The following CSNK1G1 variants were observed in gnomAD, a reference collection of about 807,000 sequenced individuals.
The protein encoded by CSNK1G1 is casein kinase I isoform gamma-1.
CSNK1G1 carries 22 observed loss-of-function variants against 59.6 expected under a neutral mutation model. The ratio of observed to expected loss-of-function variants is 0.37; its 90% CI spans 0.26 to 0.53. The LOEUF is 0.53. CSNK1G1 is among the 20% of genes least tolerant of loss of function. The probability of loss-of-function intolerance (pLI) is 0.89; values close to 1 mark genes in which losing one functional copy is unlikely to be tolerated. For missense variants in CSNK1G1, 384 were observed against 519.5 expected, an observed-to-expected ratio of 0.74 and a Z score of 2.54; for synonymous variants, 179 against 177.1, an observed-to-expected ratio of 1.01 and a Z score of -0.08.
chr15:64,207,016 C>T (rs1368161486), intron 7 of CSNK1G1, among the ~76,000 whole-genome samples: 1 of 152,138 alleles, frequency 6.6e-6, no homozygotes, highest in Non-Finnish European at 1.5e-5. Context: ...TGGGAACACT[C>T]CTCCTGCTAC....
chr15:64,229,902 ATTTTTTTTTTTTTTTTTTTTTTTTT>A (rs533868270), intron 4 of CSNK1G1, among the ~76,000 whole-genome samples: 1 of 43,808 alleles, frequency 2.3e-5, no homozygotes, highest in Middle Eastern at 0.028. Flanking sequence ...ATGTTTGTAA[ATTTTTTTTTTTTTTTTTTTTTTTTT>A]TTTTTTTTTT....
intron 6 of CSNK1G1, among the ~76,000 whole-genome samples, chr15:64,213,300 C>T (rs1241160887): frequency 6.6e-6 from 1 of 152,132 alleles, no homozygotes; most frequent in Non-Finnish European, 1.5e-5. Context: ...GCTTCTCTGA[C>T]AAATACTCTC....
intron 2 of CSNK1G1, among the ~76,000 whole-genome samples, chr15:64,290,266 C>T (rs1894663313): frequency 6.6e-6 from 1 of 151,804 alleles, no homozygotes; most frequent in Non-Finnish European, 1.5e-5. Flanking sequence ...TTATGTTTAT[C>T]GCCAAAAATA....
At chr15:64,280,936 G>C (rs987796012) in intron 2 of CSNK1G1, among the ~76,000 whole-genome samples, 1 of 152,134 alleles carries the variant, frequency 6.6e-6, no homozygotes, top group African/African-American at 2.4e-5. Context: ...CTGGAGTGCA[G>C]TGGCACAATC....
At chr15:64,234,549 T>C (rs936146352) in intron 4 of CSNK1G1, among the ~76,000 whole-genome samples, 1 of 152,200 alleles carries the variant, frequency 6.6e-6, no homozygotes, top group African/African-American at 2.4e-5. Flanking sequence ...GGTGTAGTTC[T>C]GTTTCTGGGG....
At position 64,300,545 on chromosome 15, in the gene CSNK1G1, T is replaced by C. The variant is rs765796629; in HGVS notation, c.-46A>G. The C allele has an allele frequency of 3.8e-6, 6 of 1,576,268 alleles. No homozygotes were observed. The South Asian group carries it at 4.7e-5, about 12-fold the overall frequency. ...CCTATAGTACAGCAAGTAGCTTCAG[T>C]ATGTATACCTCTCTTCAATACAAAA... On this transcript the variant is annotated 5_prime_UTR_variant, in exon 2 of 12. The change creates a new upstream start codon in the 5' untranslated region. Transcript: ENST00000303052.
intron 4 of CSNK1G1, among the ~76,000 whole-genome samples, chr15:64,234,494 T>C (rs1206958613): frequency 2.6e-5 from 4 of 152,082 alleles, no homozygotes; most frequent in Non-Finnish European, 5.9e-5. Flanking sequence ...TTCTCCAAAA[T>C]GATTATTTTC....
intron 10 of CSNK1G1, among the ~76,000 whole-genome samples, chr15:64,199,237 T>G (rs1290142576): frequency 1.1e-5 from 1 of 93,766 alleles, no homozygotes; most frequent in African/African-American, 4.7e-5. Context: ...GGCAACAGAG[T>G]GAAATCTTTT....
At chr15:64,262,189 C>T (rs529066655) in intron 2 of CSNK1G1, among the ~76,000 whole-genome samples, 3 of 152,298 alleles carry the variant, frequency 2.0e-5, no homozygotes, top group Admixed American at 6.5e-5. Context: ...AGATGAGCAA[C>T]CTCAGTTCTC....
chr15:64,177,339 C>A (rs1437690068), intron 11 of CSNK1G1, among the ~76,000 whole-genome samples: 2 of 152,188 alleles, frequency 1.3e-5, no homozygotes. Flanking sequence ...TCGTGCTTCT[C>A]TAGCTGTGAC....
rs1457672946 is a variant in CSNK1G1, at chr15:64,216,806, A to C, written c.293-93T>G. 1.5e-5 allele frequency: 18 copies of C among 1,196,398 alleles called. 1 individual carries two copies. The Admixed American group carries it at 2.6e-4, about 17-fold the overall frequency. The allele number at this position is 1,196,398 out of a possible 1,614,324, so 74.1% of individuals were successfully genotyped here. On this transcript the variant is annotated intron_variant, in intron 4 of 11. Transcript: ENST00000303052. The surrounding 1 kb of genome is among the most constrained non-coding windows in gnomAD (Gnocchi z 4.6). ...TTAGCACTGAATAAAATATTTTTAA[A>C]AGTACAATTTGTGAGATTTCCATTT...
At chr15:64,327,222 G>T (rs544623540) in intron 1 of CSNK1G1, among the ~76,000 whole-genome samples, 3 of 152,160 alleles carry the variant, frequency 2.0e-5, no homozygotes, top group Non-Finnish European at 2.9e-5. Flanking sequence ...CTGGGGGCAC[G>T]GCACAGACAA....
intron 4 of CSNK1G1, among the ~76,000 whole-genome samples, chr15:64,222,469 G>T (rs1158258505): frequency 6.7e-6 from 1 of 149,928 alleles, no homozygotes; most frequent in Non-Finnish European, 1.5e-5. Flanking sequence ...AGAGGAGGGG[G>T]TTTAGACTGG....
chr15:64,175,373 T>C (rs1018669397), intron 11 of CSNK1G1, among the ~76,000 whole-genome samples: 2 of 152,094 alleles, frequency 1.3e-5, no homozygotes, highest in South Asian at 2.1e-4. Flanking sequence ...ATATAGAGCA[T>C]GACTTTATGC....
intron 2 of CSNK1G1, among the ~76,000 whole-genome samples, chr15:64,270,878 A>C (rs1342860386): frequency 6.6e-6 from 1 of 152,082 alleles, no homozygotes; most frequent in Admixed American, 6.5e-5. Flanking sequence ...ATTTACCCAA[A>C]AGTCATTCAG....
At chr15:64,172,460 G>A (rs573888507) in intron 11 of CSNK1G1, among the ~76,000 whole-genome samples, 1 of 152,314 alleles carries the variant, frequency 6.6e-6, no homozygotes, top group Non-Finnish European at 1.5e-5. Flanking sequence ...TAAGTATGAT[G>A]TCTGGAACTC....
chr15:64,267,749 T>G (rs1314186206), intron 2 of CSNK1G1, among the ~76,000 whole-genome samples: 1 of 152,118 alleles, frequency 6.6e-6, no homozygotes, highest in Non-Finnish European at 1.5e-5. Context: ...TGAAGAGTTC[T>G]CAAAAAATTA....
intron 1 of CSNK1G1, among the ~76,000 whole-genome samples, chr15:64,336,665 T>C (rs1170540163): frequency 6.6e-6 from 1 of 152,108 alleles, no homozygotes. Context: ...GACATAGATA[T>C]AACAAACTAG....
At chr15:64,355,602 G>A (rs1426719339) in intron 1 of CSNK1G1, among the ~76,000 whole-genome samples, 2 of 152,218 alleles carry the variant, frequency 1.3e-5, no homozygotes, top group South Asian at 4.1e-4. Flanking sequence ...GGTAGGGAAA[G>A]AGGGCAATGG....
Sources: gnomAD v4.1 joint callset for allele counts (sites outside exome capture counted in the v4.1 genomes callset) on GRCh38, gnomAD v4.1.1 for gene constraint, Gnocchi (gnomAD v3.1) non-coding constraint, MANE v1.5 for transcripts, NCBI Gene and HGNC (gene_info 2026-07-23, HGNC 2026-07-21) for gene names.